The following FAM13B variants were observed in gnomAD, a reference collection of about 807,000 sequenced individuals.
The protein encoded by FAM13B is family with sequence similarity 13 member B.
FAM13B carries 60 observed loss-of-function variants against 117.3 expected under a neutral mutation model. That is an observed-to-expected ratio of 0.51 (90% CI 0.42 to 0.63). FAM13B has a LOEUF of 0.63. Ranked by LOEUF, FAM13B falls within the 30% of genes least tolerant of loss-of-function variation. FAM13B has a pLI of 0.00. For missense variants in FAM13B, 972 were observed against 1,091.9 expected (o/e 0.89, Z 1.55); for synonymous variants, 332 against 356.1 (o/e 0.93, Z 0.76).
chr5:137,960,314 A>ATTT (rs2150290637), intron 11 of FAM13B, 100 bp from the exon 12 acceptor site: 1 of 640,382 alleles, frequency 1.6e-6, no homozygotes, highest in African/African-American at 1.9e-5. Flanking sequence ...CACAGTTAGC[A>ATTT]TTTACAATGT....
intron 13 of FAM13B, 36 bp from the exon 14 acceptor site, chr5:137,956,578 G>A: frequency 6.7e-7 from 1 of 1,489,262 alleles, no homozygotes; most frequent in East Asian, 2.4e-5. Flanking sequence ...AAATACTAAA[G>A]TGAACACACA....
intron 7 of FAM13B, among the ~76,000 whole-genome samples, chr5:137,993,526 T>C (rs1347588237): frequency 6.6e-6 from 1 of 151,778 alleles, no homozygotes. Context: ...CTCATGCCTA[T>C]AACCAGCACT....
In FAM13B at chr5:137,939,960, T is replaced by C. The variant is rs1581023190; in HGVS notation, c.*265A>G. ...CAGTCTTTTGCTAAAAGGATGTATC[T>C]GTAGTACAAAACAATGAAGTAAACC... On this transcript the variant is annotated 3_prime_UTR_variant, in exon 24 of 24. Transcript: ENST00000689681. 3 of 1,484,580 alleles carry C rather than the reference T, an allele frequency of 2.0e-6. No homozygotes were observed. Among genetic ancestry groups the C allele is most frequent in the Admixed American group, 2.5e-5 (1 of 39,296 alleles). The allele number at this position is 1,484,580 out of a possible 1,614,324, so 92.0% of individuals were successfully genotyped here. A position where few individuals can be genotyped will look rare whatever the true frequency, so the allele number is the denominator to read the frequency against.
chr5:138,012,790 T>C (rs1784369403), intron 4 of FAM13B, among the ~76,000 whole-genome samples: 1 of 152,180 alleles, frequency 6.6e-6, no homozygotes, highest in Non-Finnish European at 1.5e-5. Flanking sequence ...TTCTTAAAAT[T>C]ATTTTACTGA....
At chr5:138,035,208 C>A (rs1246294545), upstream of FAM13B, among the ~76,000 whole-genome samples, 3 of 151,142 alleles carry the variant, frequency 2.0e-5, no homozygotes, top group Admixed American at 2.0e-4. Context: ...GATGGGTTTC[C>A]CTATGTTGCC....
intron 1 of FAM13B, among the ~76,000 whole-genome samples, chr5:138,031,836 T>C (rs1470692878): frequency 1.3e-5 from 2 of 152,102 alleles, no homozygotes; most frequent in Non-Finnish European, 1.5e-5. Context: ...AAAGGAAGGT[T>C]GAAAATAGCC....
chr5:138,015,182 C>T (rs1462910999), intron 4 of FAM13B, among the ~76,000 whole-genome samples: 1 of 152,084 alleles, frequency 6.6e-6, no homozygotes, highest in Non-Finnish European at 1.5e-5. Flanking sequence ...GTACACAACT[C>T]CCCATCACAA....
chr5:137,940,009 G>T lies in FAM13B; in HGVS notation c.*216C>A. ...CCATATGTTTGCTAAAGGTGGAGAG[G>T]ACAGTCTGTGGTTAATATGGAACAT... On this transcript the variant is annotated 3_prime_UTR_variant, in exon 24 of 24. Coordinates refer to ENST00000689681, the MANE Select transcript of FAM13B (RefSeq NM_001385994.1). The T allele has an allele frequency of 6.2e-7, 1 of 1,604,334 alleles. No homozygotes were observed. Among genetic ancestry groups the T allele is most frequent in the Non-Finnish European group, 8.5e-7 (1 of 1,174,808 alleles).
rs747161015 is a variant in FAM13B at position 137,952,693 on chromosome 5, A to C, written c.1865T>G (p.Ile622Ser). 2.5e-6 allele frequency: 4 copies of C among 1,605,214 alleles called. No individual in the cohort carries two copies. The highest frequency in any genetic ancestry group is 2.6e-6 in the Non-Finnish European group (3 of 1,175,558). Residue 622 changes from isoleucine to serine, a missense_variant, in exon 17 of 24, where the codon ATT becomes AGT. Ile to Ser is a moderately radical substitution (Grantham distance 142). Coordinates refer to ENST00000689681, the MANE Select transcript of FAM13B (RefSeq NM_001385994.1). ...TTTTAATACCTTTGGATTGGCAGCA[A>C]TATCACTGTAGGAGGGCTGAAAAAT... Reference protein sequence around the residue: ...ERNSKPSYSDIAANPKVLKWM... With the variant: ...ERNSKPSYSDSAANPKVLKWM...
At position 138,047,294 on chromosome 5, in the gene FAM13B, C is replaced by T. The variant is rs192900238; in HGVS notation, c.-203+4584G>A. Among the ~76,000 whole-genome samples, 197 of 150,816 alleles carry T rather than the reference C, an allele frequency of 1.3e-3. 1 individual carries two copies. The highest frequency in any genetic ancestry group is 4.7e-3 in the African/African-American group (193 of 41,052). The stretch of plus-strand genomic sequence containing the variant: ...GGCCGAGGCGGGTGGATCATGAGGT[C>T]GGGATATCAAGACAATCCTGACTAA... On this transcript the variant is annotated intron_variant, in intron 1 of 3. Transcript: ENST00000502471.
chr5:137,953,549 C>A, intron 15 of FAM13B, 84 bp from the exon 16 acceptor site: 1 of 1,375,502 alleles, frequency 7.3e-7, no homozygotes, highest in East Asian at 2.3e-5. Context: ...GCACTATTAG[C>A]AATAAGTAAA....
At chr5:137,970,022 T>C (rs1002123937) in intron 10 of FAM13B, among the ~76,000 whole-genome samples, 4 of 152,130 alleles carry the variant, frequency 2.6e-5, no homozygotes, top group South Asian at 2.1e-4. Flanking sequence ...TGGAACCAAG[T>C]TGGAAAACAT....
intron 1 of FAM13B, among the ~76,000 whole-genome samples, chr5:138,023,594 C>CT (rs35349369): frequency 6.6e-6 from 1 of 152,070 alleles, no homozygotes; most frequent in Non-Finnish European, 1.5e-5. Flanking sequence ...TAGTCTTTTT[C>CT]TTTTTTTGAG....
chr5:138,024,831 AGAGAAAGAG>A (rs1561543320), intron 1 of FAM13B, among the ~76,000 whole-genome samples: 18 of 149,522 alleles, frequency 1.2e-4, no homozygotes, highest in East Asian at 7.9e-4. Flanking sequence ...AGAGAGAGAG[AGAGAAAGAG>A]AGAGAGAGAG....
At chr5:138,015,462 G>C (rs1331114427) in intron 4 of FAM13B, among the ~76,000 whole-genome samples, 7 of 152,292 alleles carry the variant, frequency 4.6e-5, no homozygotes, top group Middle Eastern at 3.4e-3. Flanking sequence ...CAGCACTCTG[G>C]GAGGCCAAGG....
intron 17 of FAM13B, 51 bp downstream of exon 17, chr5:137,952,572 TTAATA>T: frequency 9.2e-7 from 1 of 1,089,908 alleles, no homozygotes; most frequent in Non-Finnish European, 1.3e-6. Flanking sequence ...TTCTCAGACA[TTAATA>T]TAAAAAAATT....
At chr5:138,016,502 T>TG (rs2150951770) in intron 4 of FAM13B, among the ~76,000 whole-genome samples, 1 of 152,050 alleles carries the variant, frequency 6.6e-6, no homozygotes, top group Non-Finnish European at 1.5e-5. Context: ...GGCATGGTGG[T>TG]GCGCGCCTGT....
intron 10 of FAM13B, among the ~76,000 whole-genome samples, chr5:137,966,793 C>T (rs1197838758): frequency 6.6e-6 from 1 of 152,094 alleles, no homozygotes; most frequent in Admixed American, 6.5e-5. Flanking sequence ...ATGAGAAACA[C>T]ACTCAACTGA....
chr5:137,954,373 G>A lies in FAM13B; in HGVS notation c.1511C>T (p.Pro504Leu). Reference protein sequence around the residue: ...TMHLQRDGEEPFPAFKSWQED... With the variant: ...TMHLQRDGEELFPAFKSWQED... ...CTGCCAAGACTTAAAAGCAGGAAATGGCTCTATAAAACAAACACAAAGAAT... is the reference window on the plus strand; with the variant it reads ...CTGCCAAGACTTAAAAGCAGGAAATAGCTCTATAAAACAAACACAAAGAAT... Residue 504 changes from proline to leucine, a missense_variant, in exon 15 of 24, where the codon CCA becomes CTA. By Grantham distance (98) the Pro-to-Leu change is moderately conservative (BLOSUM62 -3). Coordinates refer to ENST00000689681, the MANE Select transcript of FAM13B (RefSeq NM_001385994.1). 6.2e-7 allele frequency: 1 copy of A among 1,611,932 alleles called. No individual in the cohort carries two copies. Among genetic ancestry groups the A allele is most frequent in the East Asian group, 2.2e-5 (1 of 44,798 alleles).
Sources: allele counts gnomAD v4.1 joint callset (sites outside exome capture counted in the v4.1 genomes callset), GRCh38; gene constraint gnomAD v4.1.1; transcripts MANE v1.5; gene names NCBI Gene and HGNC (gene_info 2026-07-23, HGNC 2026-07-21).